Variants in MAP2K5 observed in about 807,000 individuals in gnomAD.
The protein encoded by MAP2K5 is mitogen-activated protein kinase kinase 5, also known as dual specificity mitogen-activated protein kinase kinase 5.
MAP2K5 carries 49 observed loss-of-function variants against 83.1 expected under a neutral mutation model. The ratio of observed to expected loss-of-function variants is 0.59; its 90% CI spans 0.47 to 0.75. The LOEUF (loss-of-function observed/expected upper bound fraction) is 0.75. Ranked by LOEUF, MAP2K5 falls within the 30% of genes least tolerant of loss-of-function variation. The probability of loss-of-function intolerance (pLI) is 0.00; values close to 1 mark genes in which losing one functional copy is unlikely to be tolerated. For missense variants in MAP2K5, 457 were observed against 557.5 expected (o/e 0.82, Z 1.82); for synonymous variants, 202 against 191.8 (o/e 1.05, Z -0.44).
chr15:67,680,392 T>G (rs1418538400), intron 13 of MAP2K5, among the ~76,000 whole-genome samples: 2 of 152,220 alleles, frequency 1.3e-5, no homozygotes, highest in Non-Finnish European at 2.9e-5. Context: ...TATCAGGCCA[T>G]CTAGCACATA....
rs560761869 is a variant in MAP2K5 at position 67,782,345 on chromosome 15, C to T, written c.1242+9593C>T. On this transcript the variant is annotated intron_variant, in intron 21 of 21. Coordinates refer to ENST00000178640, the MANE Select transcript of MAP2K5 (RefSeq NM_145160.3). The surrounding 1 kb of genome is among the most constrained non-coding windows in gnomAD (Gnocchi z 4.9). ...ACAACTGCAATTAAGGCAAATCTGC[C>T]GATGTAAACAAAATTTAGCAGAAAC... is the stretch of plus-strand genomic sequence containing the variant. 5.3e-5 allele frequency among the ~76,000 whole-genome samples: 8 copies of T among 152,248 alleles called. No homozygotes were observed. Among genetic ancestry groups the T allele is most frequent in the African/African-American group, 1.7e-4 (7 of 41,540 alleles).
Position 67,769,690 on chromosome 15 carries a change from C to T in MAP2K5, c.1196+27C>T, listed in dbSNP as rs933565112. ...TGAGCCCGTTTACAAACATGCCATG[C>T]CCTCAATGTAAATGATACATGCCAT... On this transcript the variant is annotated intron_variant, in intron 20 of 21. Transcript: ENST00000178640. This position sits in a 1 kb window ranked among gnomAD's most constrained non-coding sequence, Gnocchi z 5.2. 11 of 1,610,364 alleles carry T rather than the reference C, an allele frequency of 6.8e-6. No individual in the cohort carries two copies. Among genetic ancestry groups the T allele is most frequent in the Non-Finnish European group, 8.5e-6 (10 of 1,176,954 alleles).
At chr15:67,766,595 T>A (rs2090045861) in intron 19 of MAP2K5, among the ~76,000 whole-genome samples, 1 of 152,218 alleles carries the variant, frequency 6.6e-6, no homozygotes, top group Admixed American at 6.5e-5. Context: ...ACAGTGAAAC[T>A]GGAGCGCAAA....
intron 16 of MAP2K5, among the ~76,000 whole-genome samples, chr15:67,714,983 A>C (rs1277829313): frequency 3.3e-5 from 5 of 152,214 alleles, no homozygotes; most frequent in African/African-American, 4.8e-5. Flanking sequence ...CCTGTTGACC[A>C]AAGTTTTTGC....
intron 21 of MAP2K5, among the ~76,000 whole-genome samples, chr15:67,806,300 C>T (rs143338896): frequency 0.011 from 1,729 of 152,376 alleles, 18 homozygotes; most frequent in Non-Finnish European, 0.015. Context: ...GGCTGACTGG[C>T]CGTGCGAGTG....
intron 19 of MAP2K5, among the ~76,000 whole-genome samples, chr15:67,754,700 G>A (rs2089798935): frequency 6.6e-6 from 1 of 152,174 alleles, no homozygotes; most frequent in Non-Finnish European, 1.5e-5. Flanking sequence ...TGAAAGTGGG[G>A]AGAAGATTGT....
rs542810613 is a variant in MAP2K5, at chr15:67,577,754, A to T, written c.253-3000A>T. 6.6e-6 allele frequency among the ~76,000 whole-genome samples: 1 copy of T among 152,178 alleles called. No homozygotes were observed. Among genetic ancestry groups the T allele is most frequent in the Non-Finnish European group, 1.5e-5 (1 of 68,038 alleles). On this transcript the variant is annotated intron_variant, in intron 3 of 21. Transcript: ENST00000178640. The surrounding 1 kb of genome is among the most constrained non-coding windows in gnomAD (Gnocchi z 4.1). ...AGTGGCTCACGCCTGTAATCCCAGC[A>T]CTTTGGGAGGCCAAGGCAGGTGGAT...
At chr15:67,707,061 G>A (rs1411055474) in intron 16 of MAP2K5, among the ~76,000 whole-genome samples, 19 of 152,256 alleles carry the variant, frequency 1.2e-4, no homozygotes, top group Admixed American at 2.6e-4. Context: ...GACTACAAGC[G>A]CGTGCCACCA....
intron 9 of MAP2K5, 43 bp from the exon 10 acceptor site, chr15:67,646,188 A>G (rs780779683): frequency 4.9e-6 from 4 of 814,554 alleles, no homozygotes; most frequent in Admixed American, 2.9e-5. Context: ...TATAACTAAT[A>G]TAATTAGAAG....
Position 67,748,617 on chromosome 15 carries a change from A to G in MAP2K5, c.1134+16A>G. On this transcript the variant is annotated intron_variant, in intron 19 of 21. Transcript: ENST00000178640. This position sits in a 1 kb window ranked among gnomAD's most constrained non-coding sequence, Gnocchi z 4.0. ...TGTTGATGAGGTGAGGCATCGTCTT[A>G]TGTGCTTTCACTCCTAAAGTCATTC... 1.2e-6 allele frequency: 2 copies of G among 1,612,638 alleles called. No homozygotes were observed. The highest frequency in any genetic ancestry group is 1.7e-4 in the Middle Eastern group (1 of 6,058).
rs2090732332 is a variant in MAP2K5 at position 67,802,891 on chromosome 15, C to A, written c.1243-3755C>A. Among the ~76,000 whole-genome samples the A allele has an allele frequency of 6.6e-6, 1 of 152,200 alleles. No individual in the cohort carries two copies. Among genetic ancestry groups the A allele is most frequent in the Non-Finnish European group, 1.5e-5 (1 of 68,042 alleles). On this transcript the variant is annotated intron_variant, in intron 21 of 21. Transcript: ENST00000178640. This position sits in a 1 kb window ranked among gnomAD's most constrained non-coding sequence, Gnocchi z 5.0. ...TTTCACCCAAGCCCAGGGGAGGGACCAGCCGCAGGGGCTGGAGACTGCAAG... is the reference window on the plus strand; with the variant it reads ...TTTCACCCAAGCCCAGGGGAGGGACAAGCCGCAGGGGCTGGAGACTGCAAG...
intron 21 of MAP2K5, among the ~76,000 whole-genome samples, chr15:67,784,389 A>G (rs1449872300): frequency 6.6e-6 from 1 of 152,254 alleles, no homozygotes; most frequent in Non-Finnish European, 1.5e-5. Context: ...CAAATACAGG[A>G]CCACACAAAC....
intron 15 of MAP2K5, among the ~76,000 whole-genome samples, chr15:67,695,985 G>A (rs927873732): frequency 1.3e-5 from 2 of 152,102 alleles, no homozygotes; most frequent in Non-Finnish European, 2.9e-5. Context: ...CAGGTCAGTA[G>A]GAGGCTCTTA....
chr15:67,586,459 T>G (rs1445481414), intron 5 of MAP2K5, among the ~76,000 whole-genome samples: 1 of 152,240 alleles, frequency 6.6e-6, no homozygotes, highest in African/African-American at 2.4e-5. Flanking sequence ...AGAAACATTC[T>G]ACATACAGTG....
chr15:67,635,260 C>T (rs1006047520), intron 9 of MAP2K5, among the ~76,000 whole-genome samples: 2 of 151,208 alleles, frequency 1.3e-5, no homozygotes, highest in African/African-American at 2.4e-5. Context: ...ATCTCGGCTC[C>T]GCCTCCTGGG....
At chr15:67,805,396 C>G (rs2090782950) in intron 21 of MAP2K5, among the ~76,000 whole-genome samples, 1 of 152,250 alleles carries the variant, frequency 6.6e-6, no homozygotes, top group Non-Finnish European at 1.5e-5. Flanking sequence ...TTGACAGCCC[C>G]TGCAGGCGCT....
intron 9 of MAP2K5, 92 bp from the exon 10 acceptor site, chr15:67,646,139 G>C (rs2086826717): frequency 1.7e-6 from 1 of 575,562 alleles, no homozygotes; most frequent in South Asian, 2.6e-5. Context: ...GAAGAATAAA[G>C]GAACTACCAT....
rs538333172 is a variant in MAP2K5, at chr15:67,782,252, T to G, written c.1242+9500T>G. Among the ~76,000 whole-genome samples the G allele has an allele frequency of 3.2e-4, 49 of 152,284 alleles. No homozygotes were observed. Among genetic ancestry groups the G allele is most frequent in the African/African-American group, 1.1e-3 (46 of 41,564 alleles). Reference sequence around the variant, plus strand: ...AACCTGTTGAGGATTAGAAGTAGCTTTAGATGTGAAATGAGTGTTAAGTAT... The same window carrying G: ...AACCTGTTGAGGATTAGAAGTAGCTGTAGATGTGAAATGAGTGTTAAGTAT... On this transcript the variant is annotated intron_variant, in intron 21 of 21. Coordinates refer to ENST00000178640, the MANE Select transcript of MAP2K5 (RefSeq NM_145160.3). The surrounding 1 kb of genome is among the most constrained non-coding windows in gnomAD (Gnocchi z 4.9).
chr15:67,548,986 T>C (rs1452215353), intron 1 of MAP2K5: 1 of 1,407,976 alleles, frequency 7.1e-7, no homozygotes, highest in Non-Finnish European at 9.2e-7. Flanking sequence ...TCTAAAGAAT[T>C]GCCTTTAGAA....
Sources: allele counts gnomAD v4.1 joint callset (sites outside exome capture counted in the v4.1 genomes callset), GRCh38; gene constraint gnomAD v4.1.1; non-coding constraint Gnocchi (gnomAD v3.1); transcripts MANE v1.5; gene names NCBI Gene and HGNC (gene_info 2026-07-23, HGNC 2026-07-21).